The following NRK variants were observed in gnomAD, a reference collection of about 807,000 sequenced individuals.
The protein encoded by NRK is nik-related protein kinase.
Under a neutral mutation model 125.2 loss-of-function variants are expected in NRK, and 67 were observed. The ratio of observed to expected loss-of-function variants is 0.54; its 90% CI spans 0.44 to 0.66. The LOEUF is 0.66. Ranked by LOEUF, NRK falls within the 30% of genes least tolerant of loss-of-function variation. The pLI is 0.00. For missense variants in NRK, 1,224 were observed against 1,192.9 expected, an observed-to-expected ratio of 1.03 and a Z score of -0.38; for synonymous variants, 458 against 429.0, an observed-to-expected ratio of 1.07 and a Z score of -0.84.
In NRK at chrX:105,842,337, TCA is replaced by T. The variant is rs1445656846; in HGVS notation, c.123+11219_123+11220del. On this transcript the variant is annotated intron_variant, in intron 2 of 28. Coordinates refer to ENST00000243300, the MANE Select transcript of NRK (RefSeq NM_198465.4). ...TCAAAGCTGATGACTAAATTTCTAC[TCA>T]GACTCCTGGAAGCCATGAGAAGGTA... is the stretch of plus-strand genomic sequence containing the variant. 8.1e-5 allele frequency among the ~76,000 whole-genome samples: 9 copies of T among 111,334 alleles called. No homozygotes were observed. In the Admixed American group the frequency reaches 8.6e-4, roughly 11 times the overall value.
intron 2 of NRK, among the ~76,000 whole-genome samples, chrX:105,871,615 A>G (rs971691952): frequency 2.7e-5 from 3 of 111,335 alleles, no homozygotes; most frequent in Non-Finnish European, 5.7e-5. Flanking sequence ...GTACTGTGCT[A>G]GACCCTAAAT....
chrX:105,830,314 C>CAAA (rs71932033), intron 1 of NRK, among the ~76,000 whole-genome samples: 206 of 11,099 alleles, frequency 0.019, no homozygotes, highest in Non-Finnish European at 0.026. Flanking sequence ...AACTCCGTCG[C>CAAA]AAAAAAAAAA....
At chrX:105,935,786 C>T (rs539467302) in intron 21 of NRK, among the ~76,000 whole-genome samples, 1 of 102,262 alleles carries the variant, frequency 9.8e-6, no homozygotes, top group Admixed American at 1.1e-4. Flanking sequence ...GCAAGACTCT[C>T]TCTATATATA....
chrX:105,945,276 A>T (rs2040798095), intron 24 of NRK, among the ~76,000 whole-genome samples: 1 of 111,726 alleles, frequency 9.0e-6, no homozygotes, highest in African/African-American at 3.3e-5. Context: ...ACTGATAGGG[A>T]CCCATCCTGA....
At chrX:105,822,980 C>G (rs1466104200) in intron 1 of NRK, 78 bp downstream of exon 1, 1 of 913,424 alleles carries the variant, frequency 1.1e-6, no homozygotes, top group African/African-American at 2.0e-5. Flanking sequence ...GGAGCGGACG[C>G]CCTCAAAACG....
At chrX:105,889,086 C>A (rs192582010) in intron 5 of NRK, among the ~76,000 whole-genome samples, 31 of 112,123 alleles carry the variant, frequency 2.8e-4, no homozygotes, top group African/African-American at 8.4e-4. Flanking sequence ...CATCTATGAA[C>A]CTGTAAAATC....
intron 5 of NRK, among the ~76,000 whole-genome samples, chrX:105,891,909 AT>A (rs919118801): frequency 1.8e-5 from 2 of 111,250 alleles, no homozygotes; most frequent in African/African-American, 6.5e-5. Context: ...TTACTGAGGA[AT>A]TTTTTTTGGC....
intron 24 of NRK, among the ~76,000 whole-genome samples, chrX:105,945,364 A>G (rs926134582): frequency 8.9e-6 from 1 of 112,240 alleles, no homozygotes; most frequent in Non-Finnish European, 1.9e-5. Context: ...TTGTAAGGGA[A>G]CACATCACAT....
At chrX:105,822,288 G>T (rs767738957), upstream of NRK, among the ~76,000 whole-genome samples, 189 of 108,808 alleles carry the variant, frequency 1.7e-3, 3 homozygotes, top group African/African-American at 6.1e-3. Context: ...GGCGGGGGCA[G>T]GGGCGGCTGG....
At chrX:105,910,817 G>T (rs994174838) in intron 13 of NRK, among the ~76,000 whole-genome samples, 2 of 111,794 alleles carry the variant, frequency 1.8e-5, no homozygotes, top group Non-Finnish European at 3.8e-5. Context: ...GGGTCCTTCA[G>T]ACCAGTTGGC....
chrX:105,847,515 C>T (rs2039418488), intron 2 of NRK, among the ~76,000 whole-genome samples: 1 of 111,868 alleles, frequency 8.9e-6, no homozygotes, highest in South Asian at 3.7e-4. Context: ...ATGCCCAGTG[C>T]ACAATATAGG....
In NRK at chrX:105,894,082, A is replaced by C. The variant is rs2040049806; in HGVS notation, c.489+140A>C. On this transcript the variant is annotated intron_variant, in intron 6 of 28. Coordinates refer to ENST00000243300, the MANE Select transcript of NRK (RefSeq NM_198465.4). Reference sequence around the variant, plus strand: ...TGCATCAGGATATCTGAAAAGGCCAAAAAGCTTTTGAGAAAGCCAATTTGC... The same window carrying C: ...TGCATCAGGATATCTGAAAAGGCCACAAAGCTTTTGAGAAAGCCAATTTGC... 7.6e-6 allele frequency: 3 copies of C among 395,189 alleles called. No individual in the cohort carries two copies. In the East Asian group the frequency reaches 1.3e-4, roughly 17 times the overall value. The allele number at this position is 395,189 out of a possible 1,213,427, so 32.6% of individuals were successfully genotyped here. A position where few individuals can be genotyped will look rare whatever the true frequency, so the allele number is the denominator to read the frequency against.
In NRK at chrX:105,937,088, A is replaced by G. The variant is rs188047612; in HGVS notation, c.3656-351A>G. ...GGTGCTAATATATCCATAAATTTCC[A>G]TTTGTGAGATGGCATACCAGATGCC... On this transcript the variant is annotated intron_variant, in intron 21 of 28. Coordinates refer to ENST00000243300, the MANE Select transcript of NRK (RefSeq NM_198465.4). 6.4e-5 allele frequency among the ~76,000 whole-genome samples: 7 copies of G among 109,235 alleles called. No homozygotes were observed. The East Asian group carries it at 2.0e-3, about 31-fold the overall frequency. 94.9% of individuals were successfully genotyped at this position (109,235 alleles called of 115,157 possible).
upstream of NRK, among the ~76,000 whole-genome samples, chrX:105,821,800 C>T (rs905285739): frequency 1.8e-5 from 2 of 111,922 alleles, no homozygotes; most frequent in Non-Finnish European, 3.8e-5. Flanking sequence ...TTACTCAACC[C>T]TGCGCACCTG....
chrX:105,894,228 T>C lies in NRK; in HGVS notation c.489+286T>C, dbSNP rs73533131. ...TGGAAATGACCACTTGGATTATTTA[T>C]TATGTTGTTATTATTTTAGAGTTCT... On this transcript the variant is annotated intron_variant, in intron 6 of 28. Transcript: ENST00000243300. Among the ~76,000 whole-genome samples the C allele has an allele frequency of 1.0e-3, 114 of 112,073 alleles. 1 individual carries two copies. The highest frequency in any genetic ancestry group is 3.5e-3 in the African/African-American group (109 of 30,957).
Position 105,923,422 on chromosome X carries a change from A to G in NRK, c.2915A>G (p.Asp972Gly). Reference protein sequence around the residue: ...ANDVCKDHDDDNNKFVDDVNN... With the variant: ...ANDVCKDHDDGNNKFVDDVNN... ...GATGTTTGTAAAGACCATGATGATG[A>G]CAACAATAAGTTTGTTGATGATGTA... Residue 972 changes from aspartate (D) to glycine (G), a missense_variant, in exon 18 of 29, where the codon GAC becomes GGC. Asp to Gly is a moderately conservative substitution (Grantham distance 94, BLOSUM62 -1). Transcript: ENST00000243300. 1 of 1,148,450 alleles carries G rather than the reference A, an allele frequency of 8.7e-7. No individual in the cohort carries two copies. The highest frequency in any genetic ancestry group is 1.8e-5 in the African/African-American group (1 of 55,914). 94.6% of individuals were successfully genotyped at this position (1,148,450 alleles called of 1,213,427 possible).
chrX:105,896,307 C>T (rs1602649440), intron 7 of NRK, among the ~76,000 whole-genome samples: 1 of 111,800 alleles, frequency 8.9e-6, no homozygotes, highest in African/African-American at 3.3e-5. Context: ...TATTTTTCAA[C>T]AGTTTGTAAA....
intron 2 of NRK, among the ~76,000 whole-genome samples, chrX:105,848,682 A>T (rs1271236189): frequency 9.0e-6 from 1 of 111,642 alleles, no homozygotes; most frequent in African/African-American, 3.3e-5. Flanking sequence ...TGAACCCTCT[A>T]TGTTCAGTTC....
At chrX:105,830,314 C>CAAAAAAAAAAAAAAAAAAA (rs71932033) in intron 1 of NRK, among the ~76,000 whole-genome samples, 4 of 11,041 alleles carry the variant, frequency 3.6e-4, no homozygotes, top group Non-Finnish European at 4.6e-4. Flanking sequence ...AACTCCGTCG[C>CAAAAAAAAAAAAAAAAAAA]AAAAAAAAAA....
Sources: gnomAD v4.1 joint callset for allele counts (sites outside exome capture counted in the v4.1 genomes callset) on GRCh38, gnomAD v4.1.1 for gene constraint, MANE v1.5 for transcripts, NCBI Gene and HGNC (gene_info 2026-07-23, HGNC 2026-07-21) for gene names.